ZDHHC14: variants seen among roughly 807,000 people sequenced by gnomAD.
ZDHHC14 encodes the protein zDHHC palmitoyltransferase 14.
In ZDHHC14, 16 loss-of-function variants were observed where a neutral mutation model predicts 47.7. That is an observed-to-expected ratio of 0.34 (90% CI 0.23 to 0.51). ZDHHC14 has a LOEUF of 0.51. ZDHHC14 is among the 20% of genes least tolerant of loss of function. The pLI, the probability that ZDHHC14 is intolerant of heterozygous loss-of-function variation, is 0.97. For synonymous variants in ZDHHC14, 293 were observed against 278.9 expected (o/e 1.05, Z -0.50); for missense variants, 515 against 662.5 (o/e 0.78, Z 2.44).
chr6:157,630,989 C>G (rs1240544534), intron 4 of ZDHHC14: 1 of 150,770 alleles, frequency 6.6e-6, no homozygotes, highest in Non-Finnish European at 1.5e-5. Flanking sequence ...CTCACACACA[C>G]CCTTACACAC....
intron 1 of ZDHHC14, among the ~76,000 whole-genome samples, chr6:157,437,389 T>A (rs1237059761): frequency 1.3e-5 from 2 of 152,248 alleles, no homozygotes; most frequent in Non-Finnish European, 1.5e-5. Flanking sequence ...TGAATGGCGG[T>A]GCTGAGCTGT....
In ZDHHC14 at chr6:157,643,650, A is replaced by AATATATATATATATATATATATAT. The variant is rs3056787; in HGVS notation, c.753-2084_753-2061dup. Among the ~76,000 whole-genome samples, 129 of 72,438 alleles carry AATATATATATATATATATATATAT rather than the reference A, an allele frequency of 1.8e-3. 2 individuals are homozygous for AATATATATATATATATATATATAT. The highest frequency in any genetic ancestry group is 2.1e-3 in the Admixed American group (12 of 5,688). 47.5% of individuals were successfully genotyped at this position (72,438 alleles called of 152,430 possible). A position where few individuals can be genotyped will look rare whatever the true frequency, so the allele number is the denominator to read the frequency against. ...GCAACAAAAGCAAAACTTCATCTCAAATATATATATATATATATATATATA... is the reference window on the plus strand; with the variant it reads ...GCAACAAAAGCAAAACTTCATCTCAAATATATATATATATATATATATATATATATATATATATATATATATATA... On this transcript the variant is annotated intron_variant, in intron 5 of 8. Coordinates refer to ENST00000359775, the MANE Select transcript of ZDHHC14 (RefSeq NM_024630.3).
intron 3 of ZDHHC14, among the ~76,000 whole-genome samples, chr6:157,603,601 T>C (rs1241796786): frequency 6.6e-6 from 1 of 152,206 alleles, no homozygotes; most frequent in Non-Finnish European, 1.5e-5. Context: ...TGTCTGATGA[T>C]GCCGTATTAC....
chr6:157,573,733 C>T (rs1182146144), intron 2 of ZDHHC14, among the ~76,000 whole-genome samples: 2 of 152,322 alleles, frequency 1.3e-5, no homozygotes, highest in African/African-American at 2.4e-5. Context: ...CTGCCAGCTG[C>T]GCATCCTGGC....
At chr6:157,560,605 T>C (rs972408706) in intron 2 of ZDHHC14, among the ~76,000 whole-genome samples, 22 of 152,242 alleles carry the variant, frequency 1.4e-4, no homozygotes, top group Non-Finnish European at 2.6e-4. Context: ...TTTTTCTCTG[T>C]ACGTTTCTGA....
intron 1 of ZDHHC14, among the ~76,000 whole-genome samples, chr6:157,496,598 G>A (rs929702915): frequency 2.0e-5 from 3 of 152,168 alleles, no homozygotes; most frequent in African/African-American, 7.2e-5. Context: ...AAGATAATGT[G>A]AAGACCCATA....
intron 3 of ZDHHC14, among the ~76,000 whole-genome samples, chr6:157,602,172 C>A (rs540836921): frequency 8.3e-5 from 12 of 143,822 alleles, no homozygotes; most frequent in African/African-American, 3.2e-4. Flanking sequence ...CACTGCACTC[C>A]AGCCTGGGGA....
chr6:157,481,592 C>T (rs1419565304), intron 1 of ZDHHC14, among the ~76,000 whole-genome samples: 1 of 152,192 alleles, frequency 6.6e-6, no homozygotes, highest in Non-Finnish European at 1.5e-5. Flanking sequence ...ATCACTTCCT[C>T]CATTACTTGC....
chr6:157,645,468 G>A (rs1413995004), intron 5 of ZDHHC14, among the ~76,000 whole-genome samples: 5 of 152,072 alleles, frequency 3.3e-5, no homozygotes, highest in African/African-American at 9.7e-5. Flanking sequence ...GGAAAGAAGT[G>A]AGTAGGTGAT....
At chr6:157,615,242 A>G (rs1169257176) in intron 3 of ZDHHC14, among the ~76,000 whole-genome samples, 2 of 152,206 alleles carry the variant, frequency 1.3e-5, no homozygotes, top group African/African-American at 2.4e-5. Flanking sequence ...AAGTGCTTGC[A>G]GCTTTATGTG....
At chr6:157,494,385 T>G (rs1449334053) in intron 1 of ZDHHC14, among the ~76,000 whole-genome samples, 1 of 152,238 alleles carries the variant, frequency 6.6e-6, no homozygotes, top group Admixed American at 6.5e-5. Context: ...GGGCTCTGCA[T>G]GCTTTCTGCC....
rs376263448 is a variant in ZDHHC14, at chr6:157,561,181, C to T, written c.406+18436C>T. 3.2e-4 allele frequency among the ~76,000 whole-genome samples: 49 copies of T among 152,244 alleles called. 1 individual carries two copies. The South Asian group carries it at 1.0e-2, about 31-fold the overall frequency. ...GGCTTCTTGCAACTACACCTGAGAA[C>T]GACATTCACTCTGCTTCATTGAAAA... On this transcript the variant is annotated intron_variant, in intron 2 of 8. Coordinates refer to ENST00000359775, the MANE Select transcript of ZDHHC14 (RefSeq NM_024630.3).
At chr6:157,491,120 C>T (rs576571792) in intron 1 of ZDHHC14, among the ~76,000 whole-genome samples, 17 of 152,316 alleles carry the variant, frequency 1.1e-4, no homozygotes, top group African/African-American at 3.6e-4. Context: ...CTTCTGACTG[C>T]GTCAGACAGT....
intron 1 of ZDHHC14, among the ~76,000 whole-genome samples, chr6:157,478,171 C>T (rs1779536569): frequency 6.6e-6 from 1 of 152,074 alleles, no homozygotes; most frequent in South Asian, 2.1e-4. Context: ...AACATGTGTT[C>T]AGGAATGTTC....
chr6:157,576,199 A>T (rs545935642), intron 2 of ZDHHC14, among the ~76,000 whole-genome samples: 2 of 152,334 alleles, frequency 1.3e-5, no homozygotes, highest in East Asian at 3.9e-4. Flanking sequence ...CTGGAAGAGG[A>T]GGACTGGGGG....
At chr6:157,549,062 A>G (rs112128731) in intron 2 of ZDHHC14, among the ~76,000 whole-genome samples, 6,728 of 152,244 alleles carry the variant, frequency 0.044, 515 homozygotes, top group African/African-American at 0.15. Context: ...CAGAGCTGGG[A>G]GTCCAACACC....
intron 4 of ZDHHC14, chr6:157,631,267 A>AC (rs67376069): frequency 0.56 from 84,830 of 152,080 alleles, 25,829 homozygotes; most frequent in East Asian, 0.87. Context: ...GGTTTTACTC[A>AC]CCTGGCTCCA....
chr6:157,446,854 C>T (rs1056648609), intron 1 of ZDHHC14, among the ~76,000 whole-genome samples: 12 of 152,220 alleles, frequency 7.9e-5, no homozygotes, highest in Non-Finnish European at 1.2e-4. Context: ...CCTGGTGGCT[C>T]ATGCCTATAC....
chr6:157,590,691 GC>G (rs915846712), intron 2 of ZDHHC14, among the ~76,000 whole-genome samples: 13 of 152,344 alleles, frequency 8.5e-5, no homozygotes, highest in African/African-American at 2.9e-4. Context: ...CCCACATAGA[GC>G]CCCCACATAG....
Sources: gnomAD v4.1 joint callset for allele counts (sites outside exome capture counted in the v4.1 genomes callset) on GRCh38, gnomAD v4.1.1 for gene constraint, MANE v1.5 for transcripts, NCBI Gene and HGNC (gene_info 2026-07-23, HGNC 2026-07-21) for gene names.